The following ISM2 variants were observed in gnomAD, a reference collection of about 807,000 sequenced individuals.
The protein encoded by ISM2 is isthmin-2.
Under a neutral mutation model 58.0 loss-of-function variants are expected in ISM2, and 50 were observed. That is an observed-to-expected ratio of 0.86 (90% CI 0.69 to 1.09). The LOEUF (loss-of-function observed/expected upper bound fraction) is 1.09, where lower values mean the gene tolerates loss of function less well. ISM2 is among the 50% of genes least tolerant of loss of function. The pLI is 0.00. For missense variants in ISM2, 723 were observed against 745.0 expected, an observed-to-expected ratio of 0.97 and a Z score of 0.34; for synonymous variants, 303 against 312.4, an observed-to-expected ratio of 0.97 and a Z score of 0.32.
chr14:77,479,517 G>T (rs2079119515), intron 4 of ISM2, among the ~76,000 whole-genome samples: 3 of 152,030 alleles, frequency 2.0e-5, no homozygotes, highest in Non-Finnish European at 4.4e-5. Context: ...CTGGGTAGCT[G>T]GGATTACAGG....
At chr14:77,480,089 C>T (rs2079122341) in intron 4 of ISM2, among the ~76,000 whole-genome samples, 1 of 152,084 alleles carries the variant, frequency 6.6e-6, no homozygotes, top group African/African-American at 2.4e-5. Flanking sequence ...GAGGCTGAGG[C>T]AGACAGATTG....
At chr14:77,479,268 A>G (rs1378721635) in intron 4 of ISM2, among the ~76,000 whole-genome samples, 2 of 151,870 alleles carry the variant, frequency 1.3e-5, no homozygotes, top group Non-Finnish European at 2.9e-5. Flanking sequence ...CACCCAGGCT[A>G]GAGTGCAGTG....
At chr14:77,480,549 T>TAA (rs2079125523) in intron 4 of ISM2, among the ~76,000 whole-genome samples, 1 of 502 alleles carries the variant, frequency 2.0e-3, no homozygotes, top group African/African-American at 3.1e-3. Flanking sequence ...AATTTTTTCC[T>TAA]TTTTTTTTTT....
At position 77,484,320 on chromosome 14, in the gene ISM2, C is replaced by T; in HGVS notation, c.627+3G>A. On this transcript the variant is annotated splice_donor_region_variant and intron_variant, in intron 3 of 6. Coordinates refer to ENST00000342219, the MANE Select transcript of ISM2 (RefSeq NM_199296.3). Reference sequence around the variant, plus strand: ...GGGCTGCTGGCCCTTCTGTAGCTCTCACCTGGTTATCAGGGTTAGGGGTAC... The same window carrying T: ...GGGCTGCTGGCCCTTCTGTAGCTCTTACCTGGTTATCAGGGTTAGGGGTAC... 1.2e-6 allele frequency: 2 copies of T among 1,609,882 alleles called. No homozygotes were observed. Among genetic ancestry groups the T allele is most frequent in the Non-Finnish European group, 1.7e-6 (2 of 1,177,650 alleles).
intron 1 of ISM2, among the ~76,000 whole-genome samples, chr14:77,490,732 G>T (rs1338906622): frequency 1.3e-5 from 2 of 152,208 alleles, no homozygotes; most frequent in Non-Finnish European, 2.9e-5. Flanking sequence ...CCTTCCCTTT[G>T]ATCCTCGTAA....
intron 1 of ISM2, among the ~76,000 whole-genome samples, chr14:77,497,187 G>A (rs2079248270): frequency 6.6e-6 from 1 of 151,914 alleles, no homozygotes; most frequent in Non-Finnish European, 1.5e-5. Flanking sequence ...GGCCAAGATG[G>A]TGAAACCCTG....
In ISM2 at chr14:77,484,843, G is replaced by C. The variant is rs767324835; in HGVS notation, c.218C>G (p.Ala73Gly). 8.1e-6 allele frequency: 13 copies of C among 1,606,922 alleles called. No homozygotes were observed. The highest frequency in any genetic ancestry group is 1.0e-5 in the Non-Finnish European group (12 of 1,176,778). Reference sequence around the variant, plus strand: ...CCAGCATCCATGTTGGTGTGGCTCTGCCTGCAGGTGGGTTCTGGGGAGCAG... The same window carrying C: ...CCAGCATCCATGTTGGTGTGGCTCTCCCTGCAGGTGGGTTCTGGGGAGCAG... ...APLLPRTHLQ[A>G]EPHQHGCWTV... Residue 73 changes from alanine to glycine, a missense_variant, in exon 2 of 7, where the codon GCA becomes GGA. By Grantham distance (60) the Ala-to-Gly change is moderately conservative (BLOSUM62 0). Coordinates refer to ENST00000342219, the MANE Select transcript of ISM2 (RefSeq NM_199296.3).
At chr14:77,481,455 G>T (rs146074198) in intron 4 of ISM2, among the ~76,000 whole-genome samples, 103 of 152,226 alleles carry the variant, frequency 6.8e-4, no homozygotes, top group African/African-American at 2.4e-3. Context: ...AATAAAAATA[G>T]CCAATACTTT....
At chr14:77,489,412 G>A (rs960832151) in intron 1 of ISM2, among the ~76,000 whole-genome samples, 3 of 152,084 alleles carry the variant, frequency 2.0e-5, no homozygotes, top group African/African-American at 7.2e-5. Context: ...ATACAACACA[G>A]CAATTGCCTC....
chr14:77,490,445 A>G (rs2079196304), intron 1 of ISM2, among the ~76,000 whole-genome samples: 1 of 152,180 alleles, frequency 6.6e-6, no homozygotes, highest in Non-Finnish European at 1.5e-5. Flanking sequence ...GGATTCTCAC[A>G]ACAACACTTT....
At chr14:77,484,176 G>T in intron 3 of ISM2, 147 bp downstream of exon 3, 1 of 1,029,992 alleles carries the variant, frequency 9.7e-7, no homozygotes, top group Non-Finnish European at 1.4e-6. Context: ...CTACACCACA[G>T]GGAGAGCATG....
intron 1 of ISM2, among the ~76,000 whole-genome samples, chr14:77,496,186 C>CTAAA (rs1566759873): frequency 8.5e-6 from 1 of 118,290 alleles, no homozygotes; most frequent in African/African-American, 3.0e-5. Context: ...GACTCCATGC[C>CTAAA]AAAAAAAAAA....
intron 6 of ISM2, among the ~76,000 whole-genome samples, chr14:77,476,594 C>T (rs1446806723): frequency 6.6e-6 from 1 of 152,180 alleles, no homozygotes; most frequent in Non-Finnish European, 1.5e-5. Flanking sequence ...CCACTTTGGG[C>T]CTCCTGTGGC....
chr14:77,478,769 G>A, intron 4 of ISM2, 54 bp from the exon 5 acceptor site: 2 of 1,570,744 alleles, frequency 1.3e-6, no homozygotes, highest in Non-Finnish European at 1.7e-6. Flanking sequence ...AGGGCAAATT[G>A]GTACAAATCA....
chr14:77,476,744 T>C (rs1038656684), intron 6 of ISM2, among the ~76,000 whole-genome samples: 2 of 152,080 alleles, frequency 1.3e-5, no homozygotes, highest in Admixed American at 1.3e-4. Context: ...CTGACTGAGG[T>C]TCTCTTAAAT....
At position 77,484,737 on chromosome 14, in the gene ISM2, C is replaced by G. The variant is rs752127785; in HGVS notation, c.324G>C (p.Glu108Asp). Residue 108 changes from glutamate (E) to aspartate (D), a missense_variant, in exon 2 of 7, where the codon GAG becomes GAC. Physicochemically the swap from Glu to Asp is conservative, Grantham distance 45. Transcript: ENST00000342219. ...TGGCCAATCCCGGCAGCTTCTGCAG[C>G]TCCAGCCGCAACGGAGTAACCTCTG... Reference protein sequence around the residue: ...RTPEVTPLRLELQKLPGLANT... With the variant: ...RTPEVTPLRLDLQKLPGLANT... 2 of 1,612,904 alleles carry G rather than the reference C, an allele frequency of 1.2e-6. No individual in the cohort carries two copies. The highest frequency in any genetic ancestry group is 4.5e-5 in the East Asian group (2 of 44,822).
At chr14:77,479,925 G>T (rs2079121615) in intron 4 of ISM2, among the ~76,000 whole-genome samples, 1 of 152,090 alleles carries the variant, frequency 6.6e-6, no homozygotes, top group Non-Finnish European at 1.5e-5. Context: ...CTCCCAAAAT[G>T]CTGGGATTAC....
chr14:77,480,611 G>A (rs1027217114), intron 4 of ISM2, among the ~76,000 whole-genome samples: 9 of 143,864 alleles, frequency 6.3e-5, no homozygotes, highest in African/African-American at 2.4e-4. Context: ...AGGCTGGAGT[G>A]CAGTGATGTA....
rs777459546 is a variant in ISM2 at position 77,475,682 on chromosome 14, C to T, written c.1629G>A (p.Val543=). ...CKGDWSRLHA[V]LPPNNGRACT... is the part of the protein sequence containing the mutation. ...AGGCTCGGCCGTTGTTGGGAGGGAGCACAGCGTGGAGGCGGCTCCAGTCCC... is the reference window on the plus strand; with the variant it reads ...AGGCTCGGCCGTTGTTGGGAGGGAGTACAGCGTGGAGGCGGCTCCAGTCCC... The change falls in exon 7 of 7, where the codon GTG becomes GTA. Residue 543 remains valine (V), a synonymous_variant. Transcript: ENST00000342219. The surrounding 1 kb of genome is among the most constrained non-coding windows in gnomAD (Gnocchi z 4.1). The T allele has an allele frequency of 6.2e-7, 1 of 1,614,018 alleles. No individual in the cohort carries two copies. The highest frequency in any genetic ancestry group is 8.5e-7 in the Non-Finnish European group (1 of 1,179,954).
Sources: gnomAD v4.1 joint callset for allele counts (sites outside exome capture counted in the v4.1 genomes callset) on GRCh38, gnomAD v4.1.1 for gene constraint, Gnocchi (gnomAD v3.1) non-coding constraint, MANE v1.5 for transcripts, NCBI Gene and HGNC (gene_info 2026-07-23, HGNC 2026-07-21) for gene names.